Variants in ZRANB2 observed in about 807,000 individuals in gnomAD.
The protein encoded by ZRANB2 is zinc finger Ran-binding domain-containing protein 2.
In ZRANB2, 19 loss-of-function variants were observed where a neutral mutation model predicts 53.4. The ratio of observed to expected loss-of-function variants is 0.36; its 90% CI spans 0.25 to 0.52. ZRANB2 has a LOEUF of 0.52. Ranked by LOEUF, ZRANB2 falls within the 20% of genes least tolerant of loss-of-function variation. ZRANB2 has a pLI of 0.93. For synonymous variants in ZRANB2, 145 were observed against 134.8 expected, an observed-to-expected ratio of 1.08 and a Z score of -0.52; for missense variants, 309 against 401.1, an observed-to-expected ratio of 0.77 and a Z score of 1.96.
chr1:71,070,381 T>C (rs1355992523), intron 7 of ZRANB2, among the ~76,000 whole-genome samples: 1 of 152,172 alleles, frequency 6.6e-6, no homozygotes, highest in African/African-American at 2.4e-5. Context: ...TGCTCCGTTA[T>C]TCACAATACT....
In ZRANB2 at chr1:71,063,644, A is replaced by G. The variant is rs1056009578; in HGVS notation, c.*1430T>C. Reference sequence around the variant, plus strand: ...CTTGTGCAACCTACATAAACGCAGCAAAGAAACTTAAGACATAAAAACATG... The same window carrying G: ...CTTGTGCAACCTACATAAACGCAGCGAAGAAACTTAAGACATAAAAACATG... On this transcript the variant is annotated 3_prime_UTR_variant, in exon 10 of 10. Transcript: ENST00000370920. The G allele has an allele frequency of 3.9e-5, 6 of 152,450 alleles. No homozygotes were observed. The highest frequency in any genetic ancestry group is 1.4e-4 in the African/African-American group (6 of 41,432). The allele number at this position is 152,450 out of a possible 1,614,324, so 9.4% of individuals were successfully genotyped here.
intron 1 of ZRANB2, among the ~76,000 whole-genome samples, chr1:71,080,435 G>A (rs1304615786): frequency 6.6e-6 from 1 of 152,124 alleles, no homozygotes; most frequent in Non-Finnish European, 1.5e-5. Flanking sequence ...ACCGAAGAGG[G>A]TAGAGCTTCC....
chr1:71,065,037 C>A lies in ZRANB2; in HGVS notation c.*37G>T. The A allele has an allele frequency of 6.7e-7, 1 of 1,489,802 alleles. No homozygotes were observed. The highest frequency in any genetic ancestry group is 9.3e-7 in the Non-Finnish European group (1 of 1,076,992). 92.3% of individuals were successfully genotyped at this position (1,489,802 alleles called of 1,614,324 possible). On this transcript the variant is annotated 3_prime_UTR_variant, in exon 10 of 10. Transcript: ENST00000370920. ...CTTCTTTAAAAATATGCTTCATGCA[C>A]TGTACTGGATTTTTTTAAGATGTAA...
intron 4 of ZRANB2, among the ~76,000 whole-genome samples, chr1:71,076,438 T>C (rs1466603418): frequency 6.6e-6 from 1 of 152,228 alleles, no homozygotes; most frequent in Non-Finnish European, 1.5e-5. Flanking sequence ...TTAAATGGTG[T>C]GGCTTTGCCC....
intron 5 of ZRANB2, 60 bp from the exon 6 acceptor site, chr1:71,072,315 T>A: frequency 1.3e-6 from 2 of 1,486,722 alleles, no homozygotes; most frequent in Non-Finnish European, 1.8e-6. Flanking sequence ...TTAATACATT[T>A]TCTAAAAAAT....
At chr1:71,080,032 A>C (rs1003646718) in intron 1 of ZRANB2, among the ~76,000 whole-genome samples, 3 of 152,216 alleles carry the variant, frequency 2.0e-5, no homozygotes, top group African/African-American at 7.2e-5. Context: ...TAGCAGTTAA[A>C]TAAGTAATAG....
intron 4 of ZRANB2, among the ~76,000 whole-genome samples, chr1:71,073,545 G>A (rs1167960265): frequency 1.3e-5 from 2 of 151,450 alleles, no homozygotes; most frequent in Admixed American, 1.3e-4. Context: ...TTCACTTTCT[G>A]AAAAAAACCC....
At chr1:71,078,830 A>T in intron 1 of ZRANB2, 122 bp from the exon 2 acceptor site, 1 of 832,146 alleles carries the variant, frequency 1.2e-6, no homozygotes, top group Non-Finnish European at 1.9e-6. Context: ...GTTAATGTCA[A>T]TGTTACCAAC....
chr1:71,077,430 T>C (rs1169410557), intron 3 of ZRANB2, among the ~76,000 whole-genome samples: 1 of 152,176 alleles, frequency 6.6e-6, no homozygotes, highest in Non-Finnish European at 1.5e-5. Flanking sequence ...ATAAATAATA[T>C]TAATTTATTT....
chr1:71,078,392 T>C (rs1237202846), intron 3 of ZRANB2, 65 bp downstream of exon 3: 2 of 1,383,114 alleles, frequency 1.4e-6, no homozygotes, highest in Non-Finnish European at 2.0e-6. Flanking sequence ...AGCTGTAATA[T>C]AAACAAGTAG....
intron 4 of ZRANB2, among the ~76,000 whole-genome samples, chr1:71,076,112 CAT>C (rs1178963452): frequency 2.6e-5 from 4 of 152,236 alleles, no homozygotes; most frequent in African/African-American, 9.6e-5. Context: ...GATCATGTGA[CAT>C]ATAAGCAGTT....
At chr1:71,078,605 T>C in intron 2 of ZRANB2, 40 bp from the exon 3 acceptor site, 2 of 1,609,816 alleles carry the variant, frequency 1.2e-6, no homozygotes, top group Non-Finnish European at 1.7e-6. Context: ...CCTGGAGAAA[T>C]AAATAAATGA....
At chr1:71,078,808 C>A in intron 1 of ZRANB2, 100 bp from the exon 2 acceptor site, 1 of 996,674 alleles carries the variant, frequency 1.0e-6, no homozygotes, top group South Asian at 1.5e-5. Flanking sequence ...ACTTCTAATC[C>A]ATCTTAGTCA....
chr1:71,063,326 A>C lies in ZRANB2; in HGVS notation c.*1748T>G, dbSNP rs1364787739. ...AAAATCTCTAGTTTATTTCTAACAA[A>C]CACCACTTGATGCTTGACTCACAGG... is the stretch of plus-strand genomic sequence containing the variant. On this transcript the variant is annotated 3_prime_UTR_variant, in exon 10 of 10. Coordinates refer to ENST00000370920, the MANE Select transcript of ZRANB2 (RefSeq NM_203350.3). The C allele has an allele frequency of 6.6e-6, 1 of 152,404 alleles. No homozygotes were observed. Among genetic ancestry groups the C allele is most frequent in the Non-Finnish European group, 1.5e-5 (1 of 67,928 alleles). 9.4% of individuals were successfully genotyped at this position (152,404 alleles called of 1,614,324 possible).
At position 71,063,542 on chromosome 1, in the gene ZRANB2, A is replaced by C. The variant is rs1452911992; in HGVS notation, c.*1532T>G. The C allele has an allele frequency of 2.0e-5, 3 of 152,486 alleles. No individual in the cohort carries two copies. The highest frequency in any genetic ancestry group is 2.9e-5 in the Non-Finnish European group (2 of 67,910). The allele number at this position is 152,486 out of a possible 1,614,324, so 9.4% of individuals were successfully genotyped here. On this transcript the variant is annotated 3_prime_UTR_variant, in exon 10 of 10. Transcript: ENST00000370920. ...CAAGAATAAACCAATGGTAACATGT[A>C]GAATCTAGATCGTCGGGGCAATTTA...
chr1:71,067,203 TA>T, intron 8 of ZRANB2: 1 of 257,180 alleles, frequency 3.9e-6, no homozygotes, highest in Non-Finnish European at 7.3e-6. Flanking sequence ...AAACTTTTTT[TA>T]AGGCTTTTCA....
Position 71,072,945 on chromosome 1 carries a change from A to G in ZRANB2, c.302-397T>C, listed in dbSNP as rs1661626547. Among the ~76,000 whole-genome samples, 3 of 152,134 alleles carry G rather than the reference A, an allele frequency of 2.0e-5. No individual in the cohort carries two copies. In the South Asian group the frequency reaches 6.2e-4, roughly 31 times the overall value. The stretch of plus-strand genomic sequence containing the variant: ...ATTCCACTGTTTACCAACTGCAAAT[A>G]GTCTGAAATCTTCTGATATTCTGAA... On this transcript the variant is annotated intron_variant, in intron 4 of 9. Coordinates refer to ENST00000370920, the MANE Select transcript of ZRANB2 (RefSeq NM_203350.3).
chr1:71,069,048 T>C (rs751910972), intron 8 of ZRANB2, among the ~76,000 whole-genome samples: 3 of 152,146 alleles, frequency 2.0e-5, no homozygotes, highest in Non-Finnish European at 4.4e-5. Flanking sequence ...AAACGCTGCA[T>C]ATTGCAAAAT....
chr1:71,067,257 C>A (rs1424239947), intron 8 of ZRANB2: 29 of 186,176 alleles, frequency 1.6e-4, no homozygotes, highest in Non-Finnish European at 1.1e-5. Flanking sequence ...CAGCAGATAA[C>A]TGCATTAACA....
Sources: gnomAD v4.1 joint callset for allele counts (sites outside exome capture counted in the v4.1 genomes callset) on GRCh38, gnomAD v4.1.1 for gene constraint, MANE v1.5 for transcripts, NCBI Gene and HGNC (gene_info 2026-07-23, HGNC 2026-07-21) for gene names.